Variants in EML6 observed in about 807,000 individuals in gnomAD.
The protein encoded by EML6 is echinoderm microtubule-associated protein-like 6.
EML6 carries 154 observed loss-of-function variants against 240.1 expected under a neutral mutation model. That is an observed-to-expected ratio of 0.64 (90% CI 0.56 to 0.73). The LOEUF is 0.73. EML6 is among the 30% of genes least tolerant of loss of function. The probability of loss-of-function intolerance (pLI) is 0.00; values close to 1 mark genes in which losing one functional copy is unlikely to be tolerated. For missense variants in EML6, 2,964 were observed against 2,474.6 expected, an observed-to-expected ratio of 1.20 and a Z score of -4.20; for synonymous variants, 1,148 against 899.0, an observed-to-expected ratio of 1.28 and a Z score of -4.95.
At chr2:54,910,810 C>A (rs1673599572) in intron 24 of EML6, 144 bp from the exon 25 acceptor site, 1 of 537,092 alleles carries the variant, frequency 1.9e-6, no homozygotes, top group South Asian at 3.1e-5. Flanking sequence ...GCTGTACATG[C>A]CCTTCTGAAT....
At chr2:54,921,432 CAAAT>C (rs1434698536) in intron 26 of EML6, among the ~76,000 whole-genome samples, 1 of 152,040 alleles carries the variant, frequency 6.6e-6, no homozygotes, top group Admixed American at 6.6e-5. Flanking sequence ...GAAGAAGACA[CAAAT>C]AAATGGAAAG....
chr2:54,881,693 G>T (rs908840572), intron 17 of EML6: 2 of 150,606 alleles, frequency 1.3e-5, no homozygotes, highest in African/African-American at 2.5e-5. Flanking sequence ...CATGATAGAA[G>T]CGACAACGAA....
chr2:54,927,803 TTCTA>T, intron 26 of EML6, among the ~76,000 whole-genome samples: 1 of 152,266 alleles, frequency 6.6e-6, no homozygotes, highest in Non-Finnish European at 1.5e-5. Flanking sequence ...TAAAAATTCT[TTCTA>T]GCGTCTGTGG....
intron 17 of EML6, among the ~76,000 whole-genome samples, chr2:54,888,545 C>T (rs1264015548): frequency 6.6e-6 from 1 of 152,156 alleles, no homozygotes; most frequent in Non-Finnish European, 1.5e-5. Context: ...TATACTGTGG[C>T]AACCACTAAT....
intron 7 of EML6, among the ~76,000 whole-genome samples, chr2:54,838,035 T>G (rs1168359984): frequency 6.6e-6 from 1 of 152,254 alleles, no homozygotes; most frequent in Non-Finnish European, 1.5e-5. Flanking sequence ...TTTGTTCTCT[T>G]TGTGTGCTGG....
chr2:54,910,198 CAT>C, intron 24 of EML6, among the ~76,000 whole-genome samples: 1 of 152,132 alleles, frequency 6.6e-6, no homozygotes, highest in South Asian at 2.1e-4. Flanking sequence ...TTCTTCTATA[CAT>C]GTTTGAAACT....
intron 24 of EML6, among the ~76,000 whole-genome samples, chr2:54,908,957 C>T (rs2104272816): frequency 6.6e-6 from 1 of 152,346 alleles, no homozygotes; most frequent in East Asian, 1.9e-4. Flanking sequence ...CAATGCTACA[C>T]AGCACTTACG....
Position 54,921,383 on chromosome 2 carries a change from C to T in EML6, c.3675+4448C>T, listed in dbSNP as rs150629583. Among the ~76,000 whole-genome samples, 1,030 of 152,148 alleles carry T rather than the reference C, an allele frequency of 6.8e-3. 7 individuals are homozygous for T. Among genetic ancestry groups the T allele is most frequent in the African/African-American group, 0.021 (856 of 41,538 alleles). ...AAGTTTAGCCAAGGAGGCGAAAGAA[C>T]TGTATACTGAAATCTGTAAGACACT... On this transcript the variant is annotated intron_variant, in intron 26 of 41. Coordinates refer to ENST00000356458, the MANE Select transcript of EML6 (RefSeq NM_001039753.4).
chr2:54,727,525 T>G (rs1332881478), intron 2 of EML6, among the ~76,000 whole-genome samples: 1 of 152,242 alleles, frequency 6.6e-6, no homozygotes, highest in Non-Finnish European at 1.5e-5. Context: ...TGCACAATTT[T>G]TTGTCCTTAT....
At chr2:54,937,645 C>G (rs1411110996) in intron 28 of EML6, among the ~76,000 whole-genome samples, 1 of 142,790 alleles carries the variant, frequency 7.0e-6, no homozygotes, top group Non-Finnish European at 1.5e-5. Flanking sequence ...GTGTAGTTTA[C>G]TTTATAAATT....
At chr2:54,804,421 C>A (rs1257587527) in intron 2 of EML6, among the ~76,000 whole-genome samples, 1 of 152,216 alleles carries the variant, frequency 6.6e-6, no homozygotes, top group Non-Finnish European at 1.5e-5. Context: ...GTGTTACAGT[C>A]TTAGGCAGTA....
chr2:54,894,669 C>A (rs1354244639), intron 19 of EML6, among the ~76,000 whole-genome samples: 1 of 152,098 alleles, frequency 6.6e-6, no homozygotes, highest in Non-Finnish European at 1.5e-5. Context: ...CAGCTGCCAA[C>A]CATTGTTCTG....
chr2:54,778,775 C>A, intron 2 of EML6, among the ~76,000 whole-genome samples: 1 of 150,704 alleles, frequency 6.6e-6, no homozygotes, highest in Non-Finnish European at 1.5e-5. Flanking sequence ...GCCTGTAATC[C>A]CAGCTACTCG....
At chr2:54,847,364 T>A (rs1049524997) in intron 8 of EML6, 122 bp from the exon 9 acceptor site, 1 of 982,404 alleles carries the variant, frequency 1.0e-6, no homozygotes, top group Admixed American at 2.5e-5. Flanking sequence ...AGGGCTCTGG[T>A]GTGAAGTTCC....
Position 54,957,791 on chromosome 2 carries a change from T to C in EML6, c.4488T>C (p.Gly1496=). Residue 1496 remains glycine (G), a splice_region_variant and synonymous_variant, in exon 33 of 42, where the codon GGT becomes GGC. Transcript: ENST00000356458. ...CACTGGACTCTGTCACCCACACAGGTGCCAAGGTTGCCAGCCGAGGGGGTC... is the reference window on the plus strand; with the variant it reads ...CACTGGACTCTGTCACCCACACAGGCGCCAAGGTTGCCAGCCGAGGGGGTC... ...HTITVWRWQE[G]AKVASRGGHL... The C allele has an allele frequency of 6.5e-7, 1 of 1,549,650 alleles. No homozygotes were observed. The highest frequency in any genetic ancestry group is 8.7e-7 in the Non-Finnish European group (1 of 1,146,954).
At chr2:54,786,892 A>G (rs1669123971) in intron 2 of EML6, among the ~76,000 whole-genome samples, 1 of 152,202 alleles carries the variant, frequency 6.6e-6, no homozygotes, top group Non-Finnish European at 1.5e-5. Context: ...GTAAGTTTGC[A>G]AAATAGTGCC....
intron 2 of EML6, among the ~76,000 whole-genome samples, chr2:54,731,698 G>A (rs905151355): frequency 5.3e-5 from 8 of 152,138 alleles, no homozygotes; most frequent in Middle Eastern, 3.4e-3. Flanking sequence ...AAAACATTGC[G>A]CTGAACTATA....
At chr2:54,726,861 G>A (rs1313612411) in intron 2 of EML6, among the ~76,000 whole-genome samples, 1 of 152,148 alleles carries the variant, frequency 6.6e-6, no homozygotes, top group African/African-American at 2.4e-5. Context: ...TAGTCCTTTG[G>A]GTGAAGGGAG....
chr2:54,819,765 C>G (rs1240748218), intron 4 of EML6, among the ~76,000 whole-genome samples: 4 of 114,544 alleles, frequency 3.5e-5, no homozygotes, highest in African/African-American at 1.3e-4. Flanking sequence ...CGGAGCGAGA[C>G]TGTCTCAGAA....
Sources: allele counts gnomAD v4.1 joint callset (sites outside exome capture counted in the v4.1 genomes callset), GRCh38; gene constraint gnomAD v4.1.1; transcripts MANE v1.5; gene names NCBI Gene and HGNC (gene_info 2026-07-23, HGNC 2026-07-21).